METTL15: variants seen among roughly 807,000 people sequenced by gnomAD.
METTL15 encodes the protein 12S rRNA N(4)-cytidine methyltransferase METTL15.
Under a neutral mutation model 38.3 loss-of-function variants are expected in METTL15, and 34 were observed. The observed-to-expected ratio is 0.89, with a 90% confidence interval of 0.68 to 1.18. METTL15 has a LOEUF of 1.18. METTL15 is among the 50% of genes most tolerant of loss of function. METTL15 has a pLI of 0.00. For synonymous variants in METTL15, 162 were observed against 170.9 expected, an observed-to-expected ratio of 0.95 and a Z score of 0.41; for missense variants, 438 against 498.4, an observed-to-expected ratio of 0.88 and a Z score of 1.15.
intron 4 of METTL15, among the ~76,000 whole-genome samples, 170 bp from the exon 5 acceptor site, chr11:28,290,036 C>A (rs1271467202): frequency 1.3e-5 from 2 of 152,092 alleles, no homozygotes; most frequent in Non-Finnish European, 1.5e-5. Context: ...GTTTGAAACC[C>A]AAGATGTATA....
chr11:28,383,963 C>T (rs1015707661), intron 5 of METTL15, among the ~76,000 whole-genome samples: 18 of 151,982 alleles, frequency 1.2e-4, no homozygotes, highest in Non-Finnish European at 2.5e-4. Flanking sequence ...CTCTCTTATC[C>T]CTCCACCCTC....
At chr11:28,235,261 G>T (rs7925963) in intron 4 of METTL15, among the ~76,000 whole-genome samples, 28,587 of 151,262 alleles carry the variant, frequency 0.19, 3,105 homozygotes, top group Non-Finnish European at 0.25. Flanking sequence ...CTTTGTTCTT[G>T]TGGCTTAGGA....
chr11:28,199,676 T>C (rs1373643119), intron 3 of METTL15, among the ~76,000 whole-genome samples: 1 of 152,102 alleles, frequency 6.6e-6, no homozygotes, highest in African/African-American at 2.4e-5. Flanking sequence ...ATGGCTCCAA[T>C]ATACTCATCT....
At chr11:28,356,423 A>G (rs16917894) in intron 4 of METTL15, among the ~76,000 whole-genome samples, 1,679 of 152,302 alleles carry the variant, frequency 0.011, 39 homozygotes, top group African/African-American at 0.038. Flanking sequence ...GTATATGGGA[A>G]GGTTAGATCG....
intron 3 of METTL15, among the ~76,000 whole-genome samples, chr11:28,347,068 T>G (rs1018997199): frequency 6.6e-6 from 1 of 152,222 alleles, no homozygotes; most frequent in African/African-American, 2.4e-5. Flanking sequence ...ACCAAATACT[T>G]GCACTTAAAC....
rs923901956 is a variant in METTL15, at chr11:28,414,999, A to T, written c.*359-9300A>T. Among the ~76,000 whole-genome samples the T allele has an allele frequency of 9.9e-5, 15 of 152,172 alleles. No homozygotes were observed. In the East Asian group the frequency reaches 2.9e-3, roughly 29 times the overall value. On this transcript the variant is annotated intron_variant and NMD_transcript_variant, in intron 5 of 7. Coordinates refer to the METTL15 transcript ENST00000532947. Reference sequence around the variant, plus strand: ...CCTTAAGATTCAGAAAATCAAGAAAACCCAACAGGAACTTAAATGCTTGAA... The same window carrying T: ...CCTTAAGATTCAGAAAATCAAGAAATCCCAACAGGAACTTAAATGCTTGAA...
intron 4 of METTL15, among the ~76,000 whole-genome samples, chr11:28,267,619 C>A (rs1420622207): frequency 6.6e-6 from 1 of 152,116 alleles, no homozygotes; most frequent in African/African-American, 2.4e-5. Flanking sequence ...GGTACAGTGC[C>A]CAGAATATTG....
At chr11:28,373,321 T>G (rs1850267012) in intron 5 of METTL15, among the ~76,000 whole-genome samples, 1 of 152,068 alleles carries the variant, frequency 6.6e-6, no homozygotes, top group Non-Finnish European at 1.5e-5. Flanking sequence ...TTCTAACTGG[T>G]GTGAGATGGT....
intron 4 of METTL15, among the ~76,000 whole-genome samples, chr11:28,241,806 G>A (rs1854311407): frequency 6.6e-6 from 1 of 152,116 alleles, no homozygotes; most frequent in Non-Finnish European, 1.5e-5. Context: ...GCCCATATGG[G>A]GAGCACATAA....
At chr11:28,504,197 CAAAAAAA>C (rs376321913) in intron 6 of METTL15, among the ~76,000 whole-genome samples, 1 of 71,158 alleles carries the variant, frequency 1.4e-5, no homozygotes, top group African/African-American at 6.2e-5. Flanking sequence ...AACTCTGTCT[CAAAAAAA>C]AAAAAAAAAA....
intron 3 of METTL15, among the ~76,000 whole-genome samples, chr11:28,129,408 T>C (rs1424694424): frequency 1.3e-5 from 1 of 74,680 alleles, no homozygotes; most frequent in Non-Finnish European, 2.7e-5. Flanking sequence ...ATAAAATTAC[T>C]TTTTTTTTTT....
At chr11:28,281,746 A>G (rs886764031) in intron 4 of METTL15, among the ~76,000 whole-genome samples, 4 of 152,124 alleles carry the variant, frequency 2.6e-5, no homozygotes, top group Non-Finnish European at 5.9e-5. Context: ...AGCTCAGTAA[A>G]TATTTATTTG....
intron 5 of METTL15, among the ~76,000 whole-genome samples, chr11:28,390,694 A>G (rs1850495843): frequency 6.6e-6 from 1 of 152,106 alleles, no homozygotes; most frequent in African/African-American, 2.4e-5. Context: ...GTGGCTTAGG[A>G]TTGACTTGGC....
chr11:28,304,291 C>T (rs576695738), intron 6 of METTL15, among the ~76,000 whole-genome samples: 1 of 152,262 alleles, frequency 6.6e-6, no homozygotes, highest in South Asian at 2.1e-4. Flanking sequence ...TTTTTCTGCA[C>T]TGGGACATGT....
chr11:28,394,976 A>G (rs1850553508), intron 5 of METTL15, among the ~76,000 whole-genome samples: 2 of 152,232 alleles, frequency 1.3e-5, no homozygotes, highest in South Asian at 2.1e-4. Context: ...TCCCTACTAT[A>G]CACAACCGTT....
chr11:28,119,092 T>C (rs1469515898), intron 3 of METTL15, among the ~76,000 whole-genome samples: 1 of 152,202 alleles, frequency 6.6e-6, no homozygotes, highest in Non-Finnish European at 1.5e-5. Context: ...AGTCAGGTTT[T>C]ACCTTTTTAT....
intron 3 of METTL15, among the ~76,000 whole-genome samples, chr11:28,152,376 C>A (rs1428349348): frequency 6.6e-6 from 1 of 151,584 alleles, no homozygotes; most frequent in Admixed American, 6.6e-5. Flanking sequence ...AGGAAGTAGG[C>A]TTTAGGATAT....
chr11:28,280,169 C>A (rs1020373122), intron 4 of METTL15, among the ~76,000 whole-genome samples: 1 of 151,886 alleles, frequency 6.6e-6, no homozygotes, highest in Non-Finnish European at 1.5e-5. Context: ...CCCATTTTTC[C>A]CATTCATTGC....
At chr11:28,530,960 AGCAAC>A (rs1851840592), downstream of METTL15, among the ~76,000 whole-genome samples, 1 of 151,972 alleles carries the variant, frequency 6.6e-6, no homozygotes, top group South Asian at 2.1e-4. Flanking sequence ...AGGGGGTTTA[AGCAAC>A]TTATAGAACT....
Sources: allele counts gnomAD v4.1 joint callset (sites outside exome capture counted in the v4.1 genomes callset), GRCh38; gene constraint gnomAD v4.1.1; transcripts MANE v1.5; gene names NCBI Gene and HGNC (gene_info 2026-07-23, HGNC 2026-07-21).